The following ZNF804A variants were observed in gnomAD, a reference collection of about 807,000 sequenced individuals.
ZNF804A encodes zinc finger protein 804A.
In ZNF804A, 2 loss-of-function variants were observed where a neutral mutation model predicts 16.5. The ratio of observed to expected loss-of-function variants is 0.12; its 90% CI spans 0.05 to 0.38. The LOEUF (loss-of-function observed/expected upper bound fraction) is 0.38, where lower values mean the gene tolerates loss of function less well. ZNF804A is among the 10% of genes least tolerant of loss of function. ZNF804A has a pLI of 0.99. For missense variants in ZNF804A, 1,473 were observed against 1,390.7 expected (o/e 1.06, Z -0.94); for synonymous variants, 534 against 489.6 (o/e 1.09, Z -1.20).
At chr2:184,672,365 C>G (rs895053407) in intron 1 of ZNF804A, among the ~76,000 whole-genome samples, 3 of 152,154 alleles carry the variant, frequency 2.0e-5, no homozygotes, top group African/African-American at 7.2e-5. Context: ...ATGACTGATC[C>G]ACTGACAATT....
chr2:184,788,449 T>C (rs545950508), intron 1 of ZNF804A, among the ~76,000 whole-genome samples: 40 of 152,200 alleles, frequency 2.6e-4, no homozygotes, highest in African/African-American at 9.6e-4. Flanking sequence ...TGAACAATAT[T>C]GATTATGTAA....
At chr2:184,725,879 T>A (rs752769237) in intron 1 of ZNF804A, among the ~76,000 whole-genome samples, 1 of 151,698 alleles carries the variant, frequency 6.6e-6, no homozygotes, top group Non-Finnish European at 1.5e-5. Flanking sequence ...CAAGAAATCA[T>A]ATAGTTTCTG....
intron 1 of ZNF804A, among the ~76,000 whole-genome samples, chr2:184,819,768 C>G (rs1349211011): frequency 1.3e-5 from 2 of 151,880 alleles, no homozygotes; most frequent in Non-Finnish European, 2.9e-5. Context: ...TAAAAACAAC[C>G]ATCACAGAAT....
At chr2:184,744,764 G>T (rs1345589734) in intron 1 of ZNF804A, among the ~76,000 whole-genome samples, 1 of 151,838 alleles carries the variant, frequency 6.6e-6, no homozygotes, top group African/African-American at 2.4e-5. Context: ...GTATACAAGA[G>T]AATTAAATAA....
At chr2:184,769,612 A>G (rs1004130575) in intron 1 of ZNF804A, among the ~76,000 whole-genome samples, 1 of 152,104 alleles carries the variant, frequency 6.6e-6, no homozygotes, top group Non-Finnish European at 1.5e-5. Context: ...TGGCATCTGT[A>G]TATAGGAAAA....
chr2:184,858,359 C>T (rs1290687377), intron 1 of ZNF804A, among the ~76,000 whole-genome samples: 1 of 151,708 alleles, frequency 6.6e-6, no homozygotes, highest in Non-Finnish European at 1.5e-5. Context: ...TAAAAATTAG[C>T]AGGACATGTT....
At chr2:184,710,093 A>G (rs1693101850) in intron 1 of ZNF804A, among the ~76,000 whole-genome samples, 2 of 151,322 alleles carry the variant, frequency 1.3e-5, no homozygotes, top group Non-Finnish European at 1.5e-5. Flanking sequence ...ATACAATGGA[A>G]GAATCTCCAA....
intron 1 of ZNF804A, among the ~76,000 whole-genome samples, chr2:184,695,852 G>A (rs945218292): frequency 1.3e-5 from 2 of 152,064 alleles, no homozygotes; most frequent in African/African-American, 4.8e-5. Context: ...ACTAATCATT[G>A]AGACTATTGT....
At chr2:184,729,118 A>T (rs976951793) in intron 1 of ZNF804A, among the ~76,000 whole-genome samples, 1 of 151,886 alleles carries the variant, frequency 6.6e-6, no homozygotes, top group Non-Finnish European at 1.5e-5. Context: ...AGATCTATTG[A>T]ACATCACAGT....
At chr2:184,665,123 G>A (rs1370735065) in intron 1 of ZNF804A, among the ~76,000 whole-genome samples, 1 of 152,080 alleles carries the variant, frequency 6.6e-6, no homozygotes, top group Non-Finnish European at 1.5e-5. Flanking sequence ...CAAACTCTTA[G>A]TATTAAAACA....
intron 2 of ZNF804A, among the ~76,000 whole-genome samples, chr2:184,898,870 A>T (rs1422627852): frequency 1.3e-5 from 2 of 151,934 alleles, no homozygotes; most frequent in Non-Finnish European, 2.9e-5. Flanking sequence ...TACAACATAA[A>T]TTTTTTACAT....
chr2:184,691,484 T>G (rs1012023301), intron 1 of ZNF804A, among the ~76,000 whole-genome samples: 1 of 151,692 alleles, frequency 6.6e-6, no homozygotes, highest in Admixed American at 6.6e-5. Flanking sequence ...TTTTTATTTA[T>G]GAAATGGCTT....
chr2:184,774,220 T>C (rs1034941194), intron 1 of ZNF804A, among the ~76,000 whole-genome samples: 1 of 151,900 alleles, frequency 6.6e-6, no homozygotes, highest in African/African-American at 2.4e-5. Flanking sequence ...TTATTTGCTG[T>C]TGAATCGTAA....
At chr2:184,769,074 A>C (rs1694172575) in intron 1 of ZNF804A, among the ~76,000 whole-genome samples, 1 of 152,038 alleles carries the variant, frequency 6.6e-6, no homozygotes. Context: ...TAGCACTTTC[A>C]TGTCTTGTGT....
chr2:184,827,751 T>A (rs1695187688), intron 1 of ZNF804A, among the ~76,000 whole-genome samples: 1 of 151,586 alleles, frequency 6.6e-6, no homozygotes, highest in Non-Finnish European at 1.5e-5. Context: ...AGTAATTTAT[T>A]CTTTTTTATG....
chr2:184,890,149 C>A (rs1684958025), intron 2 of ZNF804A, among the ~76,000 whole-genome samples: 1 of 151,954 alleles, frequency 6.6e-6, no homozygotes, highest in Non-Finnish European at 1.5e-5. Context: ...TCACAAAAAT[C>A]TGCTAACAAA....
At chr2:184,761,324 T>C (rs1694033869) in intron 1 of ZNF804A, among the ~76,000 whole-genome samples, 1 of 152,140 alleles carries the variant, frequency 6.6e-6, no homozygotes, top group Admixed American at 6.6e-5. Context: ...AAATTGCTTT[T>C]CCTTCAGTTT....
At chr2:184,636,833 T>C (rs1025251405) in intron 1 of ZNF804A, among the ~76,000 whole-genome samples, 4 of 152,288 alleles carry the variant, frequency 2.6e-5, no homozygotes, top group African/African-American at 4.8e-5. Flanking sequence ...CAATGTATAA[T>C]GAAATGTCTC....
At chr2:184,800,590 C>T (rs1027483476) in intron 1 of ZNF804A, among the ~76,000 whole-genome samples, 1 of 151,428 alleles carries the variant, frequency 6.6e-6, no homozygotes, top group African/African-American at 2.4e-5. Flanking sequence ...GATTTTCTAG[C>T]TATCTCTTAA....
Sources: allele counts gnomAD v4.1 joint callset (sites outside exome capture counted in the v4.1 genomes callset), GRCh38; gene constraint gnomAD v4.1.1; transcripts MANE v1.5; gene names NCBI Gene and HGNC (gene_info 2026-07-23, HGNC 2026-07-21).